Variants in BEND7 observed in about 807,000 individuals in gnomAD.
BEND7 encodes the protein BEN domain-containing protein 7.
A neutral mutation model predicts 50.9 loss-of-function variants in BEND7; 28 were observed. That is an observed-to-expected ratio of 0.55 (90% CI 0.41 to 0.75). The LOEUF (loss-of-function observed/expected upper bound fraction) is 0.75, where lower values mean the gene tolerates loss of function less well. Among genes scored for constraint, BEND7 ranks in the 30% least tolerant of loss-of-function variants. The pLI is 0.00. For synonymous variants in BEND7, 170 were observed against 183.9 expected (o/e 0.92, Z 0.61); for missense variants, 477 against 491.3 (o/e 0.97, Z 0.28).
intron 5 of BEND7, among the ~76,000 whole-genome samples, chr10:13,492,162 G>A (rs1329074427): frequency 1.3e-5 from 2 of 151,968 alleles, no homozygotes; most frequent in Non-Finnish European, 2.9e-5. Context: ...TTAGTGGTGT[G>A]GCTTGCATCT....
chr10:13,466,098 T>G (rs754146435), intron 6 of BEND7, among the ~76,000 whole-genome samples: 1 of 152,198 alleles, frequency 6.6e-6, no homozygotes, highest in Non-Finnish European at 1.5e-5. Flanking sequence ...AGAAGAACTT[T>G]CCTTTGGTGA....
chr10:13,496,928 CA>C (rs5783327), intron 3 of BEND7, 40 bp from the exon 4 acceptor site: 348,431 of 1,119,200 alleles, frequency 0.31, 9,458 homozygotes, highest in Non-Finnish European at 0.32. Flanking sequence ...CCAAACAAAC[CA>C]AAAAAAAAAA....
At chr10:13,516,126 A>G (rs2895566) in intron 2 of BEND7, among the ~76,000 whole-genome samples, 151,449 of 152,352 alleles carry the variant, frequency 0.99, 75,283 homozygotes, top group Middle Eastern at 1. Context: ...TCTACTCTGC[A>G]CCAAGGAATA....
intron 4 of BEND7, among the ~76,000 whole-genome samples, chr10:13,494,187 G>A (rs959369387): frequency 6.6e-6 from 1 of 152,174 alleles, no homozygotes; most frequent in African/African-American, 2.4e-5. Context: ...GGGAGGCCGA[G>A]GTGGGCGGAT....
At chr10:13,461,232 C>T (rs1298916847) in intron 6 of BEND7, among the ~76,000 whole-genome samples, 1 of 152,166 alleles carries the variant, frequency 6.6e-6, no homozygotes, top group African/African-American at 2.4e-5. Context: ...TGTCCTGAGG[C>T]AGGTGAGGGA....
intron 6 of BEND7, among the ~76,000 whole-genome samples, chr10:13,477,368 G>A (rs993989091): frequency 1.3e-5 from 2 of 152,172 alleles, no homozygotes; most frequent in African/African-American, 4.8e-5. Flanking sequence ...TCCAAGGGGT[G>A]GTAGACAGTA....
chr10:13,514,896 A>T (rs2078550931), intron 2 of BEND7, among the ~76,000 whole-genome samples: 1 of 152,164 alleles, frequency 6.6e-6, no homozygotes, highest in Non-Finnish European at 1.5e-5. Context: ...GGTTCTTTAC[A>T]TTTCCTATGT....
intron 6 of BEND7, 74 bp from the exon 7 acceptor site, chr10:13,452,732 T>A: frequency 1.5e-6 from 2 of 1,375,336 alleles, no homozygotes; most frequent in Non-Finnish European, 9.9e-7. Context: ...AAATATATTC[T>A]AAAAAGAAAA....
chr10:13,459,408 A>G (rs1839751974), intron 6 of BEND7: 1 of 152,220 alleles, frequency 6.6e-6, no homozygotes, highest in Non-Finnish European at 1.5e-5. Context: ...TCTTTTCTCC[A>G]ATAATACTTA....
chr10:13,465,245 C>T (rs1285764669), intron 6 of BEND7, among the ~76,000 whole-genome samples: 1 of 152,222 alleles, frequency 6.6e-6, no homozygotes, highest in Non-Finnish European at 1.5e-5. Flanking sequence ...CCCTGAAGTT[C>T]ATTTCAGATT....
intron 2 of BEND7, chr10:13,500,366 G>T: frequency 2.1e-6 from 1 of 483,590 alleles, no homozygotes; most frequent in Non-Finnish European, 3.1e-6. Flanking sequence ...TTCCCTCTTT[G>T]GAAGCATTTT....
intron 6 of BEND7, among the ~76,000 whole-genome samples, chr10:13,478,939 C>T (rs1482957966): frequency 2.0e-5 from 3 of 151,642 alleles, no homozygotes; most frequent in Admixed American, 6.6e-5. Flanking sequence ...GAGCAAAGAC[C>T]TCATTTGCCA....
intron 6 of BEND7, among the ~76,000 whole-genome samples, chr10:13,458,290 C>T (rs935624237): frequency 4.6e-5 from 7 of 152,224 alleles, no homozygotes; most frequent in Admixed American, 1.3e-4. Context: ...GGCGGCAGCG[C>T]GTGGCGTGTC....
intron 5 of BEND7, among the ~76,000 whole-genome samples, chr10:13,483,749 G>A (rs2076030477): frequency 1.3e-5 from 2 of 152,180 alleles, no homozygotes; most frequent in African/African-American, 4.8e-5. Context: ...ATCCTATAAA[G>A]TCGAACGTGA....
intron 2 of BEND7, among the ~76,000 whole-genome samples, chr10:13,505,405 C>T (rs61833902): frequency 0.2 from 30,772 of 152,120 alleles, 3,221 homozygotes; most frequent in African/African-American, 0.24. Flanking sequence ...CAGCTCCCTA[C>T]AGGAAACCTG....
chr10:13,501,658 G>C (rs1322953881), intron 2 of BEND7, among the ~76,000 whole-genome samples: 1 of 152,000 alleles, frequency 6.6e-6, no homozygotes. Context: ...ACCAGCCTGG[G>C]CAATATGGAG....
intron 2 of BEND7, among the ~76,000 whole-genome samples, chr10:13,516,554 C>T (rs533995773): frequency 3.3e-5 from 5 of 152,202 alleles, no homozygotes; most frequent in African/African-American, 9.6e-5. Flanking sequence ...GGTGAAACCC[C>T]GTCTCCACTA....
intron 6 of BEND7, among the ~76,000 whole-genome samples, chr10:13,474,708 C>T (rs1242403133): frequency 1.3e-5 from 2 of 152,182 alleles, no homozygotes; most frequent in Non-Finnish European, 2.9e-5. Context: ...CAGGTCGATA[C>T]CCGTCATCAG....
intron 2 of BEND7, among the ~76,000 whole-genome samples, chr10:13,515,357 T>G (rs2078590185): frequency 6.6e-6 from 1 of 152,236 alleles, no homozygotes; most frequent in Non-Finnish European, 1.5e-5. Flanking sequence ...GCAGTATAAT[T>G]AGTTTTCTCC....
Sources: gnomAD v4.1 joint callset for allele counts (sites outside exome capture counted in the v4.1 genomes callset) on GRCh38, gnomAD v4.1.1 for gene constraint, MANE v1.5 for transcripts, NCBI Gene and HGNC (gene_info 2026-07-23, HGNC 2026-07-21) for gene names.